Variants in SNX13 observed in about 807,000 individuals in gnomAD.
The protein encoded by SNX13 is sorting nexin 13.
Under a neutral mutation model 133.6 loss-of-function variants are expected in SNX13, and 45 were observed. The ratio of observed to expected loss-of-function variants is 0.34; its 90% CI spans 0.27 to 0.43. The LOEUF (loss-of-function observed/expected upper bound fraction) is 0.43. Ranked by LOEUF, SNX13 falls within the 20% of genes least tolerant of loss-of-function variation. The probability of loss-of-function intolerance (pLI) is 1.00; values close to 1 mark genes in which losing one functional copy is unlikely to be tolerated. For synonymous variants in SNX13, 414 were observed against 373.9 expected, an observed-to-expected ratio of 1.11 and a Z score of -1.24; for missense variants, 1,032 against 1,145.1, an observed-to-expected ratio of 0.90 and a Z score of 1.43.
At chr7:17,801,937 A>G (rs1354406472) in intron 21 of SNX13, among the ~76,000 whole-genome samples, 1 of 152,094 alleles carries the variant, frequency 6.6e-6, no homozygotes, top group Non-Finnish European at 1.5e-5. Context: ...AAGCTAAGAA[A>G]GGTCAAATGA....
chr7:17,871,415 C>T (rs10282707), intron 8 of SNX13, among the ~76,000 whole-genome samples: 75,600 of 151,916 alleles, frequency 0.5, 20,275 homozygotes, highest in African/African-American at 0.71. Flanking sequence ...TAACAAAGAC[C>T]ATCCTTGACC....
At chr7:17,797,594 A>C (rs1268746293) in intron 24 of SNX13, among the ~76,000 whole-genome samples, 1 of 151,810 alleles carries the variant, frequency 6.6e-6, no homozygotes, top group Non-Finnish European at 1.5e-5. Flanking sequence ...TTTACACATT[A>C]GAAGCACCTG....
chr7:17,835,306 T>C (rs1789011467), intron 13 of SNX13, among the ~76,000 whole-genome samples: 1 of 152,070 alleles, frequency 6.6e-6, no homozygotes, highest in African/African-American at 2.4e-5. Flanking sequence ...ATATGACTGC[T>C]GAACGAATAA....
intron 22 of SNX13, among the ~76,000 whole-genome samples, chr7:17,799,545 T>A (rs1187400814): frequency 6.6e-6 from 1 of 151,740 alleles, no homozygotes; most frequent in Non-Finnish European, 1.5e-5. Context: ...ATTCTCAACA[T>A]CTCCATATAT....
Position 17,850,952 on chromosome 7 carries a change from T to G in SNX13, c.850A>C (p.Asn284His), listed in dbSNP as rs1273211250. The G allele has an allele frequency of 6.2e-7, 1 of 1,604,274 alleles. No homozygotes were observed. Among genetic ancestry groups the G allele is most frequent in the East Asian group, 2.2e-5 (1 of 44,652 alleles). Residue 284 changes from asparagine (N) to histidine (H), a missense_variant, in exon 10 of 26, where the codon AAC (asparagine) becomes CAC (histidine). Physicochemically the swap from Asn to His is moderately conservative, Grantham distance 68. Coordinates refer to ENST00000428135, the MANE Select transcript of SNX13 (RefSeq NM_015132.5). ...QYVIWMIRDS[N>H]CNYEAFMNII... ...TTCATAAAGGCCTCATAGTTGCAGT[T>G]AGAATCACGGATCTGAAAACAAGTT...
At chr7:17,821,052 A>G (rs184637933) in intron 18 of SNX13, among the ~76,000 whole-genome samples, 18 of 152,288 alleles carry the variant, frequency 1.2e-4, no homozygotes, top group Admixed American at 6.5e-4. Flanking sequence ...GTGATTCAAA[A>G]TAATTTGAGT....
At chr7:17,926,447 A>T (rs1248119742) in intron 1 of SNX13, among the ~76,000 whole-genome samples, 3 of 152,232 alleles carry the variant, frequency 2.0e-5, no homozygotes, top group African/African-American at 7.2e-5. Context: ...AAAGATCAAC[A>T]TATTTGAAAA....
chr7:17,919,974 T>A (rs748236142), intron 1 of SNX13, among the ~76,000 whole-genome samples: 2 of 151,918 alleles, frequency 1.3e-5, no homozygotes, highest in Non-Finnish European at 2.9e-5. Flanking sequence ...TCTAAATAAA[T>A]TAATTAAATT....
chr7:17,830,433 T>C (rs985305313), intron 15 of SNX13: 2 of 984,082 alleles, frequency 2.0e-6, no homozygotes, highest in Non-Finnish European at 2.4e-6. Flanking sequence ...GTAACTTCTG[T>C]CTCATTGGAT....
At chr7:17,842,516 G>T (rs1290437642) in intron 12 of SNX13, among the ~76,000 whole-genome samples, 1 of 151,758 alleles carries the variant, frequency 6.6e-6, no homozygotes, top group Non-Finnish European at 1.5e-5. Context: ...ATCATATGAA[G>T]AAATAAATAT....
Position 17,791,259 on chromosome 7 carries a change from ATT to A in SNX13, c.*2784_*2785del, listed in dbSNP as rs1783508055. On this transcript the variant is annotated 3_prime_UTR_variant, in exon 26 of 26. Transcript: ENST00000428135. ...AATTTTAGATTGTGAAATTTATATC[ATT>A]CTTAATTTTTATAAAAATTGGTACA... 6.6e-6 allele frequency: 1 copy of A among 151,956 alleles called. No individual in the cohort carries two copies. The highest frequency in any genetic ancestry group is 1.5e-5 in the Non-Finnish European group (1 of 67,888). 9.4% of individuals were successfully genotyped at this position (151,956 alleles called of 1,614,324 possible).
chr7:17,882,166 C>G (rs1308747637), intron 5 of SNX13: 3 of 152,154 alleles, frequency 2.0e-5, no homozygotes, highest in Non-Finnish European at 4.4e-5. Flanking sequence ...ACAAATCTGC[C>G]TCTGCCCCCT....
Position 17,845,577 on chromosome 7 carries a change from T to C in SNX13, c.1165+18A>G, listed in dbSNP as rs184534462. The C allele has an allele frequency of 4.2e-3, 6,117 of 1,470,776 alleles. 28 individuals carry two copies. Among genetic ancestry groups the C allele is most frequent in the Admixed American group, 5.7e-3 (262 of 45,630 alleles). The allele number at this position is 1,470,776 out of a possible 1,614,324, so 91.1% of individuals were successfully genotyped here. A position where few individuals can be genotyped will look rare whatever the true frequency, so the allele number is the denominator to read the frequency against. On this transcript the variant is annotated intron_variant, in intron 12 of 25. Transcript: ENST00000428135. ...AAATTCAATGGCTGTATCATTTAAA[T>C]AGAATTGATCTACCTACCCATAAAA...
At chr7:17,880,699 C>G (rs1442734024) in intron 5 of SNX13, 1 of 152,208 alleles carries the variant, frequency 6.6e-6, no homozygotes, top group Non-Finnish European at 1.5e-5. Context: ...ACTGGCTAAC[C>G]AAACATCAGT....
At position 17,831,062 on chromosome 7, in the gene SNX13, T is replaced by C. The variant is rs528398540; in HGVS notation, c.1598-1015A>G. ...GTTATCTATCCTCCTTATTCAATTA[T>C]ATGCCTCCTACCTCTTCTGTAGTGT... is the stretch of plus-strand genomic sequence containing the variant. On this transcript the variant is annotated intron_variant, in intron 15 of 25. Coordinates refer to ENST00000428135, the MANE Select transcript of SNX13 (RefSeq NM_015132.5). The C allele has an allele frequency of 1.5e-4, 146 of 984,454 alleles. No homozygotes were observed. The African/African-American group carries it at 2.3e-3, about 15-fold the overall frequency. The allele number at this position is 984,454 out of a possible 1,614,324, so 61.0% of individuals were successfully genotyped here.
intron 9 of SNX13, among the ~76,000 whole-genome samples, chr7:17,851,192 CACA>C (rs1791162161): frequency 6.6e-6 from 1 of 152,150 alleles, no homozygotes; most frequent in Non-Finnish European, 1.5e-5. Context: ...GGAACATGCT[CACA>C]GTATTTGATG....
chr7:17,932,594 C>T (rs977683344), intron 1 of SNX13, among the ~76,000 whole-genome samples: 1 of 152,192 alleles, frequency 6.6e-6, no homozygotes, highest in Non-Finnish European at 1.5e-5. Flanking sequence ...TCTGGGAGTA[C>T]ACCTATGAGG....
chr7:17,839,682 G>A, intron 13 of SNX13, 125 bp downstream of exon 13: 1 of 713,126 alleles, frequency 1.4e-6, no homozygotes, highest in Non-Finnish European at 2.2e-6. Context: ...CAGACAGACA[G>A]GAAGATTGTT....
chr7:17,840,305 T>C (rs116915388), intron 12 of SNX13, among the ~76,000 whole-genome samples: 2,047 of 152,162 alleles, frequency 0.013, 24 homozygotes, highest in Non-Finnish European at 0.021. Flanking sequence ...TCAATAAAGA[T>C]TGTTATAATA....
Sources: allele counts gnomAD v4.1 joint callset (sites outside exome capture counted in the v4.1 genomes callset), GRCh38; gene constraint gnomAD v4.1.1; transcripts MANE v1.5; gene names NCBI Gene and HGNC (gene_info 2026-07-23, HGNC 2026-07-21).